The following KSR2 variants were observed in gnomAD, a reference collection of about 807,000 sequenced individuals.
KSR2 encodes kinase suppressor of ras 2.
A neutral mutation model predicts 107.8 loss-of-function variants in KSR2; 25 were observed. That is an observed-to-expected ratio of 0.23 (90% CI 0.17 to 0.32). The LOEUF is 0.32. Among genes scored for constraint, KSR2 ranks in the 10% least tolerant of loss-of-function variants. The pLI, the probability that KSR2 is intolerant of heterozygous loss-of-function variation, is 1.00. For missense variants in KSR2, 887 were observed against 1,268.9 expected (o/e 0.70, Z 4.57); for synonymous variants, 480 against 507.0 (o/e 0.95, Z 0.71).
intron 4 of KSR2, among the ~76,000 whole-genome samples, chr12:117,715,172 C>CT (rs1232978738): frequency 6.6e-6 from 1 of 152,180 alleles, no homozygotes; most frequent in Non-Finnish European, 1.5e-5. Context: ...AGGGCACAGT[C>CT]TAAGTTTCTC....
chr12:117,802,857 A>G (rs1402518013), intron 3 of KSR2, among the ~76,000 whole-genome samples: 1 of 152,266 alleles, frequency 6.6e-6, no homozygotes, highest in East Asian at 1.9e-4. Context: ...AGACAGTGTC[A>G]TTCTTCATAT....
intron 5 of KSR2, among the ~76,000 whole-genome samples, chr12:117,640,282 G>A (rs746406460): frequency 1.3e-5 from 2 of 151,316 alleles, no homozygotes; most frequent in African/African-American, 4.9e-5. Context: ...TTGAAGGCTC[G>A]CTCTGTCACT....
At chr12:117,697,068 G>A (rs561184570) in intron 4 of KSR2, among the ~76,000 whole-genome samples, 22 of 152,286 alleles carry the variant, frequency 1.4e-4, no homozygotes, top group East Asian at 7.7e-4. Flanking sequence ...TTTTGCGGAC[G>A]CTAGTTTGGG....
chr12:117,783,181 T>G (rs996195183), intron 3 of KSR2, among the ~76,000 whole-genome samples: 1 of 152,210 alleles, frequency 6.6e-6, no homozygotes, highest in African/African-American at 2.4e-5. Flanking sequence ...GTATATTACC[T>G]AATTCAACCC....
intron 14 of KSR2, 114 bp downstream of exon 14, chr12:117,524,738 A>C: frequency 8.1e-7 from 1 of 1,235,912 alleles, no homozygotes; most frequent in East Asian, 2.4e-5. Context: ...TGTGCATGGT[A>C]GAACTAGAGA....
At chr12:117,819,842 C>T (rs994724263) in intron 3 of KSR2, among the ~76,000 whole-genome samples, 1 of 151,586 alleles carries the variant, frequency 6.6e-6, no homozygotes, top group Non-Finnish European at 1.5e-5. Flanking sequence ...AATGACATGG[C>T]CCTCCAAAAA....
At chr12:117,543,866 G>C (rs1876670829) in intron 9 of KSR2, among the ~76,000 whole-genome samples, 1 of 152,096 alleles carries the variant, frequency 6.6e-6, no homozygotes, top group African/African-American at 2.4e-5. Context: ...CTACCTTCTG[G>C]TGATGGCCAG....
chr12:117,639,308 TTTA>T (rs959495583), intron 5 of KSR2, among the ~76,000 whole-genome samples: 1 of 151,362 alleles, frequency 6.6e-6, no homozygotes, highest in Non-Finnish European at 1.5e-5. Flanking sequence ...GACACACTAG[TTTA>T]TTATTATTAT....
rs1593063368 is a variant in KSR2, at chr12:117,624,571, A to C, written c.1172-42212T>G. Among the ~76,000 whole-genome samples, 5 of 152,244 alleles carry C rather than the reference A, an allele frequency of 3.3e-5. No individual in the cohort carries two copies. In the South Asian group the frequency reaches 1.0e-3, roughly 32 times the overall value. The stretch of plus-strand genomic sequence containing the variant: ...TTTCTGAGACCTGTCCCACTGGTGT[A>C]TCTCTCTGTTTTGGTACCAGTACCA... On this transcript the variant is annotated intron_variant, in intron 5 of 19. Transcript: ENST00000339824.
intron 3 of KSR2, among the ~76,000 whole-genome samples, chr12:117,792,617 C>T (rs1890294051): frequency 6.6e-6 from 1 of 152,194 alleles, no homozygotes; most frequent in African/African-American, 2.4e-5. Context: ...AAATCAGCAG[C>T]CTCTCCCAGC....
chr12:117,896,127 TC>T (rs1264637573), intron 1 of KSR2, among the ~76,000 whole-genome samples: 1 of 152,076 alleles, frequency 6.6e-6, no homozygotes, highest in Non-Finnish European at 1.5e-5. Context: ...AACCCAAATG[TC>T]CATCAACAAA....
intron 5 of KSR2, among the ~76,000 whole-genome samples, chr12:117,646,288 G>T (rs1308408274): frequency 1.3e-5 from 2 of 152,158 alleles, no homozygotes; most frequent in Non-Finnish European, 2.9e-5. Context: ...GAAAATACTT[G>T]TTATTTGGCC....
chr12:117,501,872 C>A (rs776477625), intron 14 of KSR2, among the ~76,000 whole-genome samples: 2 of 152,228 alleles, frequency 1.3e-5, no homozygotes, highest in Non-Finnish European at 2.9e-5. Flanking sequence ...ATTCCCTGCC[C>A]AAACTCCTAT....
At position 117,758,000 on chromosome 12, in the gene KSR2, A is replaced by C. The variant is rs116692539; in HGVS notation, c.986+3011T>G. Among the ~76,000 whole-genome samples, 795 of 152,298 alleles carry C rather than the reference A, an allele frequency of 5.2e-3. 6 individuals carry two copies. Among genetic ancestry groups the C allele is most frequent in the African/African-American group, 0.018 (739 of 41,560 alleles). On this transcript the variant is annotated intron_variant, in intron 4 of 19. Coordinates refer to ENST00000339824, the MANE Select transcript of KSR2 (RefSeq NM_173598.6). ...GATGCAATGTGTTCCAATATACTCT[A>C]GTCTAGGCTAGTCTATTTCATTTTT...
chr12:117,793,891 C>T (rs1028899065), intron 3 of KSR2, among the ~76,000 whole-genome samples: 1 of 145,998 alleles, frequency 6.8e-6, no homozygotes, highest in African/African-American at 2.5e-5. Context: ...ACAACATGCA[C>T]ACACCAACAT....
chr12:117,746,319 C>A (rs1888403131), intron 4 of KSR2, among the ~76,000 whole-genome samples: 1 of 152,050 alleles, frequency 6.6e-6, no homozygotes, highest in Non-Finnish European at 1.5e-5. Context: ...CTGACAAAAA[C>A]AAGCAATAGG....
intron 3 of KSR2, among the ~76,000 whole-genome samples, chr12:117,776,087 A>AAATT (rs974785855): frequency 6.7e-6 from 1 of 150,046 alleles, no homozygotes; most frequent in Non-Finnish European, 1.5e-5. Context: ...ATGGAAATAA[A>AAATT]AATTAATTAA....
At chr12:117,929,101 T>G (rs1252462282) in intron 1 of KSR2, among the ~76,000 whole-genome samples, 2 of 152,318 alleles carry the variant, frequency 1.3e-5, no homozygotes, top group East Asian at 3.9e-4. Context: ...CATCTCTGCA[T>G]CTCAATTACT....
At chr12:117,825,405 A>G (rs554762803) in intron 3 of KSR2, among the ~76,000 whole-genome samples, 1 of 152,246 alleles carries the variant, frequency 6.6e-6, no homozygotes, top group Admixed American at 6.5e-5. Flanking sequence ...GGGTCGGGGC[A>G]TAAATGTAGT....
Sources: allele counts gnomAD v4.1 joint callset (sites outside exome capture counted in the v4.1 genomes callset), GRCh38; gene constraint gnomAD v4.1.1; transcripts MANE v1.5; gene names NCBI Gene and HGNC (gene_info 2026-07-23, HGNC 2026-07-21).